Variants in KNTC1 observed in about 807,000 individuals in gnomAD.
KNTC1 encodes kinetochore associated 1.
KNTC1 carries 253 observed loss-of-function variants against 314.4 expected under a neutral mutation model. The ratio of observed to expected loss-of-function variants is 0.80; its 90% CI spans 0.73 to 0.89. The LOEUF (loss-of-function observed/expected upper bound fraction) is 0.89. Ranked by LOEUF, KNTC1 falls within the 40% of genes least tolerant of loss-of-function variation. The pLI, the probability that KNTC1 is intolerant of heterozygous loss-of-function variation, is 0.00. For synonymous variants in KNTC1, 901 were observed against 901.4 expected (o/e 1.00, Z 0.01); for missense variants, 2,475 against 2,572.9 (o/e 0.96, Z 0.82).
chr12:122,565,506 GTTA>G (rs1228706767), intron 20 of KNTC1, among the ~76,000 whole-genome samples: 5 of 139,158 alleles, frequency 3.6e-5, no homozygotes, highest in Admixed American at 7.7e-5. Flanking sequence ...AATTGATTTT[GTTA>G]TTATTATTTT....
At position 122,538,324 on chromosome 12, in the gene KNTC1, AT is replaced by A; in HGVS notation, c.251-12del. The A allele has an allele frequency of 1.4e-6, 2 of 1,430,214 alleles. No individual in the cohort carries two copies. Among genetic ancestry groups the A allele is most frequent in the Non-Finnish European group, 1.9e-6 (2 of 1,042,224 alleles). 88.6% of individuals were successfully genotyped at this position (1,430,214 alleles called of 1,614,324 possible). On this transcript the variant is annotated splice_polypyrimidine_tract_variant and intron_variant, in intron 3 of 63. Transcript: ENST00000333479. ...TTTTCGAAGGAAGCTTGTAACTTTG[AT>A]TTGAAATTTTCAGATACTGAAGTGG...
At chr12:122,616,564 A>T (rs1158977849) in intron 57 of KNTC1, among the ~76,000 whole-genome samples, 1 of 152,064 alleles carries the variant, frequency 6.6e-6, no homozygotes, top group Non-Finnish European at 1.5e-5. Flanking sequence ...CCCGGCCGAG[A>T]TTTCCTGTTT....
At position 122,575,595 on chromosome 12, in the gene KNTC1, G is replaced by A. The variant is rs754578533; in HGVS notation, c.2435G>A (p.Ser812Asn). 9 of 1,598,890 alleles carry A rather than the reference G, an allele frequency of 5.6e-6. No individual in the cohort carries two copies. The East Asian group carries it at 1.1e-4, about 20-fold the overall frequency. ...KIMYAAVVPW[S>N]AAVEQLVKQH... ...ATGTATGCGGCAGTGGTTCCTTGGA[G>A]TGCAGCTGTGGAGCAACTGGTGAAA... The change falls in exon 28 of 64, where the codon AGT becomes AAT. Residue 812 changes from serine (S) to asparagine (N), a missense_variant. Transcript: ENST00000333479.
At position 122,573,235 on chromosome 12, in the gene KNTC1, A is replaced by G. The variant is rs1162534401; in HGVS notation, c.2233A>G (p.Met745Val). Residue 745 changes from methionine (M) to valine (V), a missense_variant, in exon 26 of 64, where the codon ATG becomes GTG. Transcript: ENST00000333479. Reference protein sequence around the residue: ...SILEKFIRVYMREHDLQEEEL... With the variant: ...SILEKFIRVYVREHDLQEEEL... ...CTTAGAGAAGTTTATAAGAGTTTAC[A>G]TGAGAGAACATGACTTGCAAGAGGA... 15 of 1,613,794 alleles carry G rather than the reference A, an allele frequency of 9.3e-6. 2 individuals carry two copies. In the South Asian group the frequency reaches 1.5e-4, roughly 17 times the overall value.
intron 36 of KNTC1, 128 bp from the exon 37 acceptor site, chr12:122,585,507 GC>G: frequency 1.0e-6 from 1 of 974,760 alleles, no homozygotes; most frequent in Non-Finnish European, 1.5e-6. Flanking sequence ...CTCCAGCAAG[GC>G]CTCCCTCGAC....
At chr12:122,556,275 C>T (rs1195029787) in intron 16 of KNTC1, among the ~76,000 whole-genome samples, 1 of 152,002 alleles carries the variant, frequency 6.6e-6, no homozygotes, top group African/African-American at 2.4e-5. Flanking sequence ...GCCTCGGCCT[C>T]CCAAAATGCA....
chr12:122,548,143 A>G (rs1962924992), intron 12 of KNTC1, among the ~76,000 whole-genome samples, 174 bp downstream of exon 12: 2 of 152,148 alleles, frequency 1.3e-5, no homozygotes, highest in South Asian at 4.1e-4. Flanking sequence ...GTAAATCTTG[A>G]CTCCATATTT....
chr12:122,548,603 A>G (rs1962962766), intron 12 of KNTC1, among the ~76,000 whole-genome samples: 2 of 152,224 alleles, frequency 1.3e-5, no homozygotes, highest in Non-Finnish European at 2.9e-5. Context: ...GACTTCAGGT[A>G]TATGTATGGA....
At chr12:122,597,631 A>T in intron 43 of KNTC1, 100 bp from the exon 44 acceptor site, 1 of 951,822 alleles carries the variant, frequency 1.1e-6, no homozygotes, top group South Asian at 1.4e-5. Context: ...ACAAGGTTAA[A>T]TTTCAACAAT....
At chr12:122,546,826 A>T (rs1962805083) in intron 10 of KNTC1, among the ~76,000 whole-genome samples, 152 bp downstream of exon 10, 1 of 147,750 alleles carries the variant, frequency 6.8e-6, no homozygotes, top group African/African-American at 2.5e-5. Flanking sequence ...TTGATCCTGA[A>T]ATGTAATTTT....
At position 122,566,190 on chromosome 12, in the gene KNTC1, G is replaced by A. The variant is rs541575811; in HGVS notation, c.1605-2071G>A. On this transcript the variant is annotated intron_variant, in intron 20 of 63. Transcript: ENST00000333479. ...ACTCCTGACCTCGTAATCTGCCCGC[G>A]TCAGCCTCCCAAAGTGCTGGGATTA... Among the ~76,000 whole-genome samples the A allele has an allele frequency of 6.0e-5, 9 of 150,888 alleles. No individual in the cohort carries two copies. The South Asian group carries it at 1.3e-3, about 21-fold the overall frequency.
Position 122,604,546 on chromosome 12 carries a change from T to C in KNTC1, c.5102-18T>C. On this transcript the variant is annotated intron_variant, in intron 48 of 63. Transcript: ENST00000333479. ...TTGCCTGTAAATCTTTATTTATTTA[T>C]TTATTTATTTATTTTAGGTTCCTTC... The C allele has an allele frequency of 8.3e-7, 1 of 1,200,806 alleles. No individual in the cohort carries two copies. Among genetic ancestry groups the C allele is most frequent in the Non-Finnish European group, 1.2e-6 (1 of 835,876 alleles). 74.4% of individuals were successfully genotyped at this position (1,200,806 alleles called of 1,614,324 possible).
At chr12:122,586,515 A>G (rs1163987089) in intron 37 of KNTC1, among the ~76,000 whole-genome samples, 186 bp from the exon 38 acceptor site, 1 of 152,196 alleles carries the variant, frequency 6.6e-6, no homozygotes, top group African/African-American at 2.4e-5. Flanking sequence ...TTTTTATAAT[A>G]GTGAAATATT....
intron 36 of KNTC1, among the ~76,000 whole-genome samples, chr12:122,585,225 A>G (rs558101369): frequency 1.3e-5 from 2 of 152,050 alleles, no homozygotes; most frequent in Admixed American, 6.6e-5. Flanking sequence ...TTTTTTTTGC[A>G]GAGACAGGGT....
At chr12:122,547,577 A>T (rs1446067904) in intron 11 of KNTC1, 47 bp downstream of exon 11, 1 of 1,144,312 alleles carries the variant, frequency 8.7e-7, no homozygotes, top group African/African-American at 1.5e-5. Context: ...TGTTAGTACC[A>T]GGTATCTTGT....
At chr12:122,624,894 G>A (rs1874853275) in intron 63 of KNTC1, 1 of 533,538 alleles carries the variant, frequency 1.9e-6, no homozygotes, top group Non-Finnish European at 3.4e-6. Flanking sequence ...CCACTGGGCA[G>A]CAAAGCCTAA....
chr12:122,614,173 C>T (rs1026037127), intron 55 of KNTC1, among the ~76,000 whole-genome samples: 1 of 152,166 alleles, frequency 6.6e-6, no homozygotes, highest in African/African-American at 2.4e-5. Flanking sequence ...TGCTCTGAGA[C>T]CTTTCTACTC....
intron 45 of KNTC1, chr12:122,601,832 C>CT (rs1871956824): frequency 1.3e-5 from 6 of 463,664 alleles, no homozygotes; most frequent in Non-Finnish European, 2.0e-5. Flanking sequence ...TATCTTCATC[C>CT]TTTTTTTGCT....
intron 44 of KNTC1, among the ~76,000 whole-genome samples, chr12:122,599,363 A>ATT (rs11439986): frequency 0.77 from 114,832 of 149,252 alleles, 44,490 homozygotes; most frequent in African/African-American, 0.86. Context: ...AGGGAAAAAA[A>ATT]TTTTTTTTTT....
Sources: allele counts gnomAD v4.1 joint callset (sites outside exome capture counted in the v4.1 genomes callset), GRCh38; gene constraint gnomAD v4.1.1; transcripts MANE v1.5; gene names NCBI Gene and HGNC (gene_info 2026-07-23, HGNC 2026-07-21).